The following GOLGA3 variants were observed in gnomAD, a reference collection of about 807,000 sequenced individuals.
GOLGA3 encodes the protein golgin subfamily A member 3.
In GOLGA3, 75 loss-of-function variants were observed where a neutral mutation model predicts 169.4. That is an observed-to-expected ratio of 0.44 (90% CI 0.37 to 0.54). The LOEUF (loss-of-function observed/expected upper bound fraction) is 0.54, where lower values mean the gene tolerates loss of function less well. Ranked by LOEUF, GOLGA3 falls within the 20% of genes least tolerant of loss-of-function variation. The probability of loss-of-function intolerance (pLI) is 0.00; values close to 1 mark genes in which losing one functional copy is unlikely to be tolerated. For synonymous variants in GOLGA3, 824 were observed against 822.4 expected (o/e 1.00, Z -0.03); for missense variants, 1,899 against 1,930.0 (o/e 0.98, Z 0.30).
At chr12:132,821,434 G>C (rs11147095) in intron 2 of GOLGA3, among the ~76,000 whole-genome samples, 41,149 of 151,406 alleles carry the variant, frequency 0.27, 5,955 homozygotes, top group Middle Eastern at 0.44. Flanking sequence ...AGAATTTTAG[G>C]CAGGGAACAT....
intron 8 of GOLGA3, among the ~76,000 whole-genome samples, chr12:132,799,979 G>C (rs1949052246): frequency 6.6e-6 from 1 of 152,150 alleles, no homozygotes; most frequent in Admixed American, 6.5e-5. Context: ...GGCCTCAAGT[G>C]ATCGGCCCGC....
chr12:132,826,455 A>T (rs1449754733), intron 1 of GOLGA3, among the ~76,000 whole-genome samples: 1 of 151,628 alleles, frequency 6.6e-6, no homozygotes, highest in Non-Finnish European at 1.5e-5. Flanking sequence ...GAAGGAACAC[A>T]GCCAAAGACG....
Position 132,808,418 on chromosome 12 carries a change from G to A in GOLGA3, c.651C>T (p.Val217=). ...TKEYSFLRTS[V]PRGPKVGSLG... The stretch of plus-strand genomic sequence containing the variant: ...GGCTGCCCACCTTAGGCCCCCGAGG[G>A]ACACTGGTGCGCAGGAAGGAATATT... Residue 217 remains valine, a synonymous_variant, in exon 5 of 24, where the codon GTC becomes GTT. Transcript: ENST00000450791. 1.9e-6 allele frequency: 3 copies of A among 1,614,162 alleles called. No homozygotes were observed. The highest frequency in any genetic ancestry group is 8.5e-7 in the Non-Finnish European group (1 of 1,180,026).
chr12:132,816,921 G>A (rs1318714588), intron 2 of GOLGA3, 109 bp from the exon 3 acceptor site: 17 of 999,934 alleles, frequency 1.7e-5, no homozygotes, highest in Middle Eastern at 3.1e-4. Flanking sequence ...TCATGAGCAC[G>A]GCACTTTCTC....
At position 132,804,994 on chromosome 12, in the gene GOLGA3, G is replaced by T; in HGVS notation, c.1319C>A (p.Ala440Asp). Residue 440 changes from alanine to aspartate, a missense_variant, in exon 7 of 24, where the codon GCC becomes GAC. By Grantham distance (126) the Ala-to-Asp change is moderately radical (BLOSUM62 -2). Transcript: ENST00000450791. This position sits in a 1 kb window ranked among gnomAD's most constrained non-coding sequence, Gnocchi z 4.1. Reference protein sequence around the residue: ...QALKEKAELQAQLAALSTKLQ... With the variant: ...QALKEKAELQDQLAALSTKLQ... ...CTTCGTGCTGAGGGCGGCCAGCTGG[G>T]CCTGCAGCTCAGCCTTCTCTTTAAG... is the stretch of plus-strand genomic sequence containing the variant. The T allele has an allele frequency of 6.2e-7, 1 of 1,611,128 alleles. No homozygotes were observed. Among genetic ancestry groups the T allele is most frequent in the South Asian group, 1.1e-5 (1 of 91,052 alleles).
At position 132,798,438 on chromosome 12, in the gene GOLGA3, T is replaced by G. The variant is rs763740069; in HGVS notation, c.1840A>C (p.Lys614Gln). 1 of 1,613,434 alleles carries G rather than the reference T, an allele frequency of 6.2e-7. No homozygotes were observed. The highest frequency in any genetic ancestry group is 8.5e-7 in the Non-Finnish European group (1 of 1,179,750). The change falls in exon 9 of 24, where the codon AAA (lysine) becomes CAA (glutamine). Residue 614 changes from lysine (K) to glutamine (Q), a missense_variant. Lys to Gln is a moderately conservative substitution (Grantham distance 53). Coordinates refer to ENST00000450791, the MANE Select transcript of GOLGA3 (RefSeq NM_001389683.1). ...MTQAGLLEHLKLENVSLSQQL... is the reference protein window; with the variant it reads ...MTQAGLLEHLQLENVSLSQQL... ...TGGGACAGGGACACATTCTCGAGTT[T>G]CAGGTGCTCCAGGAGACCTGCCTGG... is the stretch of plus-strand genomic sequence containing the variant.
At chr12:132,794,213 T>G (rs1948704678) in intron 11 of GOLGA3, among the ~76,000 whole-genome samples, 1 of 151,534 alleles carries the variant, frequency 6.6e-6, no homozygotes, top group African/African-American at 2.4e-5. Flanking sequence ...TCTAGATGCC[T>G]AGGGAATGCA....
rs1038912370 is a variant in GOLGA3, at chr12:132,769,690, G to A, written c.*3415C>T. ...CTGTTGTGACACACGGTGTGGGGATGAACACGCCGCCCTAGCCCGTGACAC... is the reference window on the plus strand; with the variant it reads ...CTGTTGTGACACACGGTGTGGGGATAAACACGCCGCCCTAGCCCGTGACAC... On this transcript the variant is annotated 3_prime_UTR_variant, in exon 24 of 24. Coordinates refer to ENST00000450791, the MANE Select transcript of GOLGA3 (RefSeq NM_001389683.1). 4 of 152,104 alleles carry A rather than the reference G, an allele frequency of 2.6e-5. No individual in the cohort carries two copies. Among genetic ancestry groups the A allele is most frequent in the Non-Finnish European group, 5.9e-5 (4 of 68,020 alleles). 9.4% of individuals were successfully genotyped at this position (152,104 alleles called of 1,614,324 possible).
chr12:132,787,727 CCCGGG>C (rs2045987137), intron 13 of GOLGA3, among the ~76,000 whole-genome samples: 1 of 69,820 alleles, frequency 1.4e-5, no homozygotes, highest in Non-Finnish European at 2.7e-5. Context: ...CCCCGGAGAC[CCCGGG>C]ACCCCTCCCC....
chr12:132,802,606 C>T (rs1949187797), intron 7 of GOLGA3, among the ~76,000 whole-genome samples: 1 of 150,342 alleles, frequency 6.7e-6, no homozygotes, highest in Non-Finnish European at 1.5e-5. Flanking sequence ...GCGTGGGCAA[C>T]AGAGCAACCC....
At position 132,786,655 on chromosome 12, in the gene GOLGA3, C is replaced by G. The variant is rs771386689; in HGVS notation, c.2906+38G>C. 17 of 1,368,620 alleles carry G rather than the reference C, an allele frequency of 1.2e-5. No homozygotes were observed. In the East Asian group the frequency reaches 3.7e-4, roughly 30 times the overall value. The allele number at this position is 1,368,620 out of a possible 1,614,324, so 84.8% of individuals were successfully genotyped here. ...CCCCCCCGGCCCCCGCACCTCCCAC[C>G]TGGCCCCCGCACCTCCCCCGGGCAC... On this transcript the variant is annotated intron_variant, in intron 14 of 23. Coordinates refer to ENST00000450791, the MANE Select transcript of GOLGA3 (RefSeq NM_001389683.1).
chr12:132,773,298 G>A lies in GOLGA3; in HGVS notation c.4308-4C>T. ...CTGCAGGCTGTCCATCTCCTGCCTGGGACAGAAGAAGGAGGAAGAAGGCCC... is the reference window on the plus strand; with the variant it reads ...CTGCAGGCTGTCCATCTCCTGCCTGAGACAGAAGAAGGAGGAAGAAGGCCC... On this transcript the variant is annotated splice_region_variant and splice_polypyrimidine_tract_variant and intron_variant, in intron 23 of 23. Transcript: ENST00000450791. The A allele has an allele frequency of 7.2e-7, 1 of 1,390,726 alleles. No homozygotes were observed. The highest frequency in any genetic ancestry group is 1.5e-5 in the South Asian group (1 of 64,566). 86.1% of individuals were successfully genotyped at this position (1,390,726 alleles called of 1,614,324 possible). A position where few individuals can be genotyped will look rare whatever the true frequency, so the allele number is the denominator to read the frequency against.
chr12:132,826,219 TA>T, intron 1 of GOLGA3: 1 of 1,153,624 alleles, frequency 8.7e-7, no homozygotes, highest in South Asian at 2.4e-5. Flanking sequence ...CACAATGAAA[TA>T]AAGTTATTTT....
chr12:132,807,934 C>T lies in GOLGA3; in HGVS notation c.1135G>A (p.Val379Ile), dbSNP rs753765567. 2.5e-6 allele frequency: 4 copies of T among 1,607,510 alleles called. No homozygotes were observed. In the South Asian group the frequency reaches 3.3e-5, roughly 13 times the overall value. ...AAEHQDQGQE[V>I]NGEVRSRRDS... ...CTCCGACTCCGCACCTCCCCGTTGACCTCCTGCCCCTGGTCTTGGTGCTCA... is the reference window on the plus strand; with the variant it reads ...CTCCGACTCCGCACCTCCCCGTTGATCTCCTGCCCCTGGTCTTGGTGCTCA... The change falls in exon 5 of 24, where the codon GTC becomes ATC. Residue 379 changes from valine (V) to isoleucine (I), a missense_variant. By Grantham distance (29) the Val-to-Ile change is conservative. Transcript: ENST00000450791.
At chr12:132,796,799 T>C (rs546429369) in intron 9 of GOLGA3, 99 bp from the exon 10 acceptor site, 19 of 1,191,090 alleles carry the variant, frequency 1.6e-5, no homozygotes, top group Non-Finnish European at 2.2e-5. Flanking sequence ...CGCCCTGGCA[T>C]GGGCCCCATC....
At chr12:132,821,123 A>AAAAAT (rs1950190412) in intron 2 of GOLGA3, among the ~76,000 whole-genome samples, 1 of 148,124 alleles carries the variant, frequency 6.8e-6, no homozygotes, top group South Asian at 2.1e-4. Context: ...AAAAAAAAAA[A>AAAAAT]TGGCTGGGCG....
rs767955162 is a variant in GOLGA3, at chr12:132,775,273, T to C, written c.4011A>G (p.Glu1337=). 13 of 1,612,042 alleles carry C rather than the reference T, an allele frequency of 8.1e-6. No homozygotes were observed. Among genetic ancestry groups the C allele is most frequent in the East Asian group, 2.2e-5 (1 of 44,882 alleles). ...TATCCTTCTGGGTCATGGACAGGTC[T>C]TCCTGGGCCATCTCCAACTCAGACT... ...NVKSELEMAQ[E]DLSMTQKDKF... Residue 1337 remains glutamate (E), a synonymous_variant, in exon 22 of 24, where the codon GAA becomes GAG. Coordinates refer to ENST00000450791, the MANE Select transcript of GOLGA3 (RefSeq NM_001389683.1).
intron 15 of GOLGA3, among the ~76,000 whole-genome samples, chr12:132,784,664 A>G (rs75729598): frequency 0.096 from 14,559 of 151,878 alleles, 1,441 homozygotes; most frequent in East Asian, 0.46. Context: ...CATCACATAC[A>G]CACACTCATG....
At chr12:132,797,226 C>G (rs573391604) in intron 9 of GOLGA3, among the ~76,000 whole-genome samples, 2 of 152,194 alleles carry the variant, frequency 1.3e-5, no homozygotes, top group East Asian at 3.9e-4. Flanking sequence ...GCTAATGCCA[C>G]AGAGAGGTGG....
Sources: gnomAD v4.1 joint callset for allele counts (sites outside exome capture counted in the v4.1 genomes callset) on GRCh38, gnomAD v4.1.1 for gene constraint, Gnocchi (gnomAD v3.1) non-coding constraint, MANE v1.5 for transcripts, NCBI Gene and HGNC (gene_info 2026-07-23, HGNC 2026-07-21) for gene names.